IMPG1: variants seen among roughly 807,000 people sequenced by gnomAD.
IMPG1 encodes the protein interphotoreceptor matrix proteoglycan 1.
IMPG1 carries 85 observed loss-of-function variants against 92.0 expected under a neutral mutation model. That is an observed-to-expected ratio of 0.92 (90% CI 0.78 to 1.11). IMPG1 has a LOEUF of 1.11. IMPG1 is among the 50% of genes least tolerant of loss of function. The pLI is 0.00. For synonymous variants in IMPG1, 367 were observed against 334.1 expected (o/e 1.10, Z -1.08); for missense variants, 1,022 against 956.0 (o/e 1.07, Z -0.91).
intron 4 of IMPG1, 82 bp from the exon 5 acceptor site, chr6:76,025,340 A>G (rs1441499696): frequency 1.4e-6 from 1 of 716,466 alleles, no homozygotes; most frequent in Admixed American, 2.4e-5. Context: ...AATTTCTTAT[A>G]CTGAGTAAAC....
intron 4 of IMPG1, among the ~76,000 whole-genome samples, chr6:76,026,260 C>T (rs34171642): frequency 1.3e-5 from 2 of 152,034 alleles, no homozygotes; most frequent in Non-Finnish European, 2.9e-5. Context: ...CAGACAAGGA[C>T]CTTGTCTTTA....
intron 12 of IMPG1, among the ~76,000 whole-genome samples, chr6:75,969,566 A>G (rs189950315): frequency 1.1e-4 from 17 of 152,008 alleles, no homozygotes; most frequent in Non-Finnish European, 2.2e-4. Flanking sequence ...ACGTGGTGAA[A>G]CCCCATCTCT....
intron 14 of IMPG1, among the ~76,000 whole-genome samples, chr6:75,946,020 C>T (rs1041871074): frequency 6.6e-6 from 1 of 152,222 alleles, no homozygotes; most frequent in African/African-American, 2.4e-5. Context: ...TTTCCAAGTC[C>T]TGCTAGCTTA....
intron 12 of IMPG1, among the ~76,000 whole-genome samples, chr6:75,952,896 T>C (rs1173307703): frequency 6.6e-6 from 1 of 152,230 alleles, no homozygotes; most frequent in East Asian, 1.9e-4. Flanking sequence ...CTGGCATTTC[T>C]TGGTCATGAG....
chr6:76,026,555 C>G (rs552089305), intron 4 of IMPG1, among the ~76,000 whole-genome samples: 3 of 152,360 alleles, frequency 2.0e-5, no homozygotes, highest in African/African-American at 4.8e-5. Context: ...GGGTCCCACA[C>G]AGCTGGCTGG....
In IMPG1 at chr6:76,005,459, G is replaced by A. The variant is rs777594690; in HGVS notation, c.963C>T (p.Asp321=). ...TTTTGTTGGAATCAAAAGACAGGAGGTCACTTGCAGGGCTTTTTGCTTCTG... is the reference window on the plus strand; with the variant it reads ...TTTTGTTGGAATCAAAAGACAGGAGATCACTTGCAGGGCTTTTTGCTTCTG... ...HSAEAKSPAS[D]LLSFDSNKIE... is the part of the protein sequence containing the mutation. The change falls in exon 10 of 17, where the codon GAC becomes GAT. Residue 321 remains aspartate, a synonymous_variant. Transcript: ENST00000369950. 3 of 1,613,948 alleles carry A rather than the reference G, an allele frequency of 1.9e-6. No individual in the cohort carries two copies. Among genetic ancestry groups the A allele is most frequent in the Non-Finnish European group, 2.5e-6 (3 of 1,179,898 alleles).
At chr6:75,929,255 A>T (rs1034226430) in intron 15 of IMPG1, among the ~76,000 whole-genome samples, 1 of 152,122 alleles carries the variant, frequency 6.6e-6, no homozygotes, top group African/African-American at 2.4e-5. Flanking sequence ...CCATATTCCC[A>T]CACTGAGTAT....
chr6:75,925,886 G>A (rs1230915130), intron 15 of IMPG1, among the ~76,000 whole-genome samples: 3 of 151,610 alleles, frequency 2.0e-5, no homozygotes, highest in African/African-American at 7.3e-5. Context: ...GGATGGTCTC[G>A]AACTCCTGAC....
chr6:76,052,915 G>A (rs187619604), intron 1 of IMPG1, among the ~76,000 whole-genome samples: 196 of 152,280 alleles, frequency 1.3e-3, no homozygotes, highest in African/African-American at 4.5e-3. Flanking sequence ...GCTTGGTGAA[G>A]ATTTCATACA....
rs766636715 is a variant in IMPG1, at chr6:76,018,851, T to A, written c.674A>T (p.Glu225Val). 1.3e-6 allele frequency: 2 copies of A among 1,585,010 alleles called. No homozygotes were observed. Among genetic ancestry groups the A allele is most frequent in the South Asian group, 2.3e-5 (2 of 85,638 alleles). Reference protein sequence around the residue: ...NDTKMPTTERETEFAVLEEQR... With the variant: ...NDTKMPTTERVTEFAVLEEQR... Reference sequence around the variant, plus strand: ...CTCCTCCAACACAGCGAATTCTGTTTCTCTTTCCTGAGTTTAAAAAAAAAA... The same window carrying A: ...CTCCTCCAACACAGCGAATTCTGTTACTCTTTCCTGAGTTTAAAAAAAAAA... The change falls in exon 7 of 17, where the codon GAA (glutamate) becomes GTA (valine). Residue 225 changes from glutamate (E) to valine (V), a missense_variant. By Grantham distance (121) the Glu-to-Val change is moderately radical. This residue lies in a region of IMPG1 where 681 missense variants were observed against 583.6 expected (regional missense o/e 1.17). Coordinates refer to ENST00000369950, the MANE Select transcript of IMPG1 (RefSeq NM_001563.4).
At chr6:76,048,998 C>G (rs1425022667) in intron 1 of IMPG1, among the ~76,000 whole-genome samples, 1 of 152,180 alleles carries the variant, frequency 6.6e-6, no homozygotes. Flanking sequence ...TACTTATATA[C>G]CATGGACTAC....
chr6:75,953,690 G>A (rs1008616259), intron 12 of IMPG1, among the ~76,000 whole-genome samples: 9 of 151,984 alleles, frequency 5.9e-5, no homozygotes, highest in African/African-American at 1.9e-4. Flanking sequence ...GTATAACTGT[G>A]CCATGGTGGT....
chr6:75,952,551 T>C (rs1199122356), intron 12 of IMPG1, among the ~76,000 whole-genome samples: 2 of 152,156 alleles, frequency 1.3e-5, no homozygotes, highest in Non-Finnish European at 2.9e-5. Context: ...TTCACTCAAT[T>C]GTGAGAAATA....
At chr6:75,949,627 T>C (rs1443624552) in intron 13 of IMPG1, among the ~76,000 whole-genome samples, 2 of 152,158 alleles carry the variant, frequency 1.3e-5, no homozygotes, top group Non-Finnish European at 2.9e-5. Context: ...TTACGTGAGA[T>C]CCAAGAACCC....
chr6:75,999,123 C>T (rs1400937082), intron 12 of IMPG1, among the ~76,000 whole-genome samples: 2 of 152,132 alleles, frequency 1.3e-5, no homozygotes, highest in Non-Finnish European at 2.9e-5. Flanking sequence ...TCCCAAAGTG[C>T]TGGGATTACA....
intron 1 of IMPG1, among the ~76,000 whole-genome samples, chr6:76,043,908 T>C (rs1440256395): frequency 6.6e-6 from 1 of 152,250 alleles, no homozygotes; most frequent in African/African-American, 2.4e-5. Context: ...GATCACCACC[T>C]TGACTCTCAT....
chr6:75,940,201 A>C (rs1025013097), intron 14 of IMPG1, among the ~76,000 whole-genome samples: 7 of 152,188 alleles, frequency 4.6e-5, no homozygotes, highest in African/African-American at 1.7e-4. Flanking sequence ...GCCCCTGGCC[A>C]TTTTAAAAAA....
At chr6:76,057,726 A>G (rs1444871717) in intron 1 of IMPG1, among the ~76,000 whole-genome samples, 1 of 152,062 alleles carries the variant, frequency 6.6e-6, no homozygotes, top group Non-Finnish European at 1.5e-5. Context: ...GGTGGCTAAA[A>G]CCACAATGCT....
At chr6:75,949,331 T>C (rs1031221503) in intron 13 of IMPG1, among the ~76,000 whole-genome samples, 5 of 152,158 alleles carry the variant, frequency 3.3e-5, no homozygotes, top group African/African-American at 4.8e-5. Flanking sequence ...AAAACCAAGA[T>C]GGCCATGAGA....
Sources: gnomAD v4.1 joint callset for allele counts (sites outside exome capture counted in the v4.1 genomes callset) on GRCh38, gnomAD v4.1.1 for gene constraint, gnomAD v4.1.1 regional missense constraint, MANE v1.5 for transcripts, NCBI Gene and HGNC (gene_info 2026-07-23, HGNC 2026-07-21) for gene names.